ERLIN1: variants seen among roughly 807,000 people sequenced by gnomAD.
ERLIN1 encodes the protein ER lipid raft associated 1, also known as erlin-1.
A neutral mutation model predicts 46.9 loss-of-function variants in ERLIN1; 24 were observed. The observed-to-expected ratio is 0.51, with a 90% CI of 0.37 to 0.72. ERLIN1 has a LOEUF of 0.72. Among genes scored for constraint, ERLIN1 ranks in the 30% least tolerant of loss-of-function variants. The pLI is 0.00. For missense variants in ERLIN1, 293 were observed against 417.9 expected, an observed-to-expected ratio of 0.70 and a Z score of 2.61; for synonymous variants, 158 against 143.2, an observed-to-expected ratio of 1.10 and a Z score of -0.74.
chr10:100,163,962 C>G, intron 8 of ERLIN1, 42 bp downstream of exon 8: 2 of 1,328,326 alleles, frequency 1.5e-6, no homozygotes. Context: ...ACAGGACAAA[C>G]AAATGTACTT....
At chr10:100,168,874 G>A (rs1255651484) in intron 6 of ERLIN1, among the ~76,000 whole-genome samples, 1 of 152,050 alleles carries the variant, frequency 6.6e-6, no homozygotes, top group East Asian at 1.9e-4. Flanking sequence ...AGTAGAGACA[G>A]GGTTTCACTG....
intron 7 of ERLIN1, among the ~76,000 whole-genome samples, chr10:100,166,791 T>G (rs1243536390): frequency 1.3e-5 from 2 of 152,204 alleles, no homozygotes; most frequent in Non-Finnish European, 2.9e-5. Context: ...TGTCAGAAAC[T>G]AATTTCATGT....
intron 9 of ERLIN1, among the ~76,000 whole-genome samples, chr10:100,155,407 A>C (rs1283169019): frequency 1.3e-5 from 2 of 152,188 alleles, no homozygotes; most frequent in East Asian, 3.8e-4. Context: ...ATGTGAAATC[A>C]AGTAGTGTGA....
chr10:100,176,692 G>C (rs1170632258), intron 4 of ERLIN1, among the ~76,000 whole-genome samples: 1 of 152,156 alleles, frequency 6.6e-6, no homozygotes, highest in African/African-American at 2.4e-5. Context: ...GAGAATTTTA[G>C]AAATGCCCAA....
Position 100,163,992 on chromosome 10 carries a change from A to G in ERLIN1, c.655+12T>C. On this transcript the variant is annotated intron_variant, in intron 8 of 10. Coordinates refer to ENST00000421367, the MANE Select transcript of ERLIN1 (RefSeq NM_006459.4). ...GTACTTAGAGACAATCATTTCAGAG[A>G]AATCCAAGTACCTATAACTGCCTTT... 1 of 1,553,938 alleles carries G rather than the reference A, an allele frequency of 6.4e-7. No individual in the cohort carries two copies. The highest frequency in any genetic ancestry group is 8.9e-7 in the Non-Finnish European group (1 of 1,127,076).
chr10:100,154,016 A>G (rs1589508281), intron 10 of ERLIN1, among the ~76,000 whole-genome samples: 1 of 152,202 alleles, frequency 6.6e-6, no homozygotes, highest in Non-Finnish European at 1.5e-5. Context: ...AGCCCTGTCT[A>G]TATCTTAAAA....
rs1423011961 is a variant in ERLIN1, at chr10:100,151,989, G to A, written c.*142C>T. 1 of 710,288 alleles carries A rather than the reference G, an allele frequency of 1.4e-6. No individual in the cohort carries two copies. Among genetic ancestry groups the A allele is most frequent in the African/African-American group, 1.7e-5 (1 of 57,302 alleles). 44.0% of individuals were successfully genotyped at this position (710,288 alleles called of 1,614,324 possible). A position where few individuals can be genotyped will look rare whatever the true frequency, so the allele number is the denominator to read the frequency against. ...GACAGCTGGCTCTATCCTCCAATCA[G>A]TGGAGCACCCAGGACTATCGCAGGA... On this transcript the variant is annotated 3_prime_UTR_variant, in exon 11 of 11. Coordinates refer to ENST00000421367, the MANE Select transcript of ERLIN1 (RefSeq NM_006459.4).
chr10:100,165,843 A>T (rs1843608746), intron 7 of ERLIN1, among the ~76,000 whole-genome samples: 1 of 152,074 alleles, frequency 6.6e-6, no homozygotes. Context: ...CTCCTACCTC[A>T]GCCTCCCCAG....
At chr10:100,160,889 G>A (rs979061387) in intron 8 of ERLIN1, among the ~76,000 whole-genome samples, 1 of 152,180 alleles carries the variant, frequency 6.6e-6, no homozygotes, top group African/African-American at 2.4e-5. Flanking sequence ...TGAGGCTGCA[G>A]TGAACTGTGA....
intron 10 of ERLIN1, among the ~76,000 whole-genome samples, chr10:100,152,620 G>T (rs997209079): frequency 1.3e-5 from 2 of 152,186 alleles, no homozygotes; most frequent in East Asian, 3.8e-4. Context: ...AACAATTTGT[G>T]ATAACTAATG....
intron 9 of ERLIN1, 147 bp from the exon 10 acceptor site, chr10:100,155,086 GCAAC>G (rs1843001813): frequency 1.9e-5 from 12 of 632,524 alleles, no homozygotes; most frequent in Non-Finnish European, 3.4e-5. Flanking sequence ...TCCCCAAACA[GCAAC>G]TTCTCTACGA....
chr10:100,153,041 C>T (rs1025610203), intron 10 of ERLIN1, among the ~76,000 whole-genome samples: 7 of 152,224 alleles, frequency 4.6e-5, no homozygotes, highest in African/African-American at 7.2e-5. Flanking sequence ...GAGAGATACA[C>T]AGGTCAGTGG....
chr10:100,181,537 C>T (rs1021491695), intron 2 of ERLIN1, among the ~76,000 whole-genome samples: 5 of 124,646 alleles, frequency 4.0e-5, no homozygotes, highest in Admixed American at 8.6e-5. Flanking sequence ...TTTTTTGAGA[C>T]GGAGTCTTCC....
intron 2 of ERLIN1, among the ~76,000 whole-genome samples, chr10:100,180,588 T>A (rs929687844): frequency 1.3e-5 from 2 of 152,202 alleles, no homozygotes; most frequent in African/African-American, 4.8e-5. Context: ...ATACACACAG[T>A]TGAAGACAAC....
intron 7 of ERLIN1, among the ~76,000 whole-genome samples, chr10:100,166,389 C>T (rs1843642145): frequency 6.6e-6 from 1 of 151,306 alleles, no homozygotes; most frequent in African/African-American, 2.4e-5. Flanking sequence ...GATTGTGCCA[C>T]TGCACTGCAG....
rs780521035 is a variant in ERLIN1, at chr10:100,152,294, C to T, written c.884G>A (p.Ser295Asn). The change falls in exon 11 of 11, where the codon AGT becomes AAT. Residue 295 changes from serine to asparagine, a missense_variant. Around this residue, in one of 3 missense-constraint regions of ERLIN1, gnomAD observed 69 missense variants for 74.5 expected, o/e 0.93. Transcript: ENST00000421367. ...GATGTTGCTGCCAAAATAGATCTTA[C>T]TGTTAGAAGCAATGGCCTGGTACTT... Reference protein sequence around the residue: ...LKKYQAIASNSKIYFGSNIPN... With the variant: ...LKKYQAIASNNKIYFGSNIPN... The T allele has an allele frequency of 4.3e-6, 7 of 1,613,552 alleles. No homozygotes were observed. The Admixed American group carries it at 5.0e-5, about 12-fold the overall frequency.
At chr10:100,155,793 C>A (rs546885710) in intron 9 of ERLIN1, among the ~76,000 whole-genome samples, 1 of 152,156 alleles carries the variant, frequency 6.6e-6, no homozygotes, top group African/African-American at 2.4e-5. Context: ...GGATTACAGG[C>A]GTGAGCCACG....
Position 100,183,801 on chromosome 10 carries a change from G to T in ERLIN1, c.150C>A (p.Gly50=), listed in dbSNP as rs749175154. 7 of 1,613,526 alleles carry T rather than the reference G, an allele frequency of 4.3e-6. No homozygotes were observed. The highest frequency in any genetic ancestry group is 5.9e-6 in the Non-Finnish European group (7 of 1,179,676). The change falls in exon 2 of 11, where the codon GGC becomes GGA. Residue 50 remains glycine (G), a synonymous_variant. Coordinates refer to ENST00000421367, the MANE Select transcript of ERLIN1 (RefSeq NM_006459.4). ...TAATGAAAGGCAACATGATATGATA[G>T]CCTGGTCCACTGGGGCTAGTTAGTA... ...GALLTSPSGP[G]YHIMLPFITT... is the part of the protein sequence containing the mutation.
rs147488988 is a variant in ERLIN1 at position 100,159,728 on chromosome 10, T to C, written c.656-3494A>G. 2.9e-3 allele frequency among the ~76,000 whole-genome samples: 443 copies of C among 152,000 alleles called. 7 individuals are homozygous for C. Among genetic ancestry groups the C allele is most frequent in the African/African-American group, 9.9e-3 (412 of 41,482 alleles). On this transcript the variant is annotated intron_variant, in intron 8 of 10. Transcript: ENST00000421367. ...GTTTAGAATTAAAACTGAACACCAA[T>C]ATACAAAGTACATTTCAAAACCTGT...
Sources: gnomAD v4.1 joint callset for allele counts (sites outside exome capture counted in the v4.1 genomes callset) on GRCh38, gnomAD v4.1.1 for gene constraint, gnomAD v4.1.1 regional missense constraint, MANE v1.5 for transcripts, NCBI Gene and HGNC (gene_info 2026-07-23, HGNC 2026-07-21) for gene names.